Variants in SRPX observed in about 807,000 individuals in gnomAD.
The protein encoded by SRPX is sushi repeat-containing protein SRPX.
In SRPX, 24 loss-of-function variants were observed where a neutral mutation model predicts 38.1. The ratio of observed to expected loss-of-function variants is 0.63; its 90% CI spans 0.46 to 0.89. The LOEUF is 0.89. Among genes scored for constraint, SRPX ranks in the 40% least tolerant of loss-of-function variants. SRPX has a pLI of 0.00. For synonymous variants in SRPX, 184 were observed against 153.8 expected, an observed-to-expected ratio of 1.20 and a Z score of -1.45; for missense variants, 416 against 377.8, an observed-to-expected ratio of 1.10 and a Z score of -0.84.
intron 1 of SRPX, among the ~76,000 whole-genome samples, chrX:38,218,095 C>G (rs764103459): frequency 1.2e-4 from 14 of 112,294 alleles, no homozygotes; most frequent in Non-Finnish European, 2.3e-4. Flanking sequence ...TTTCAAAAGA[C>G]TGCTTCAGCT....
chrX:38,166,339 G>A (rs182244834), intron 4 of SRPX, among the ~76,000 whole-genome samples: 31 of 111,772 alleles, frequency 2.8e-4, no homozygotes, highest in African/African-American at 7.5e-4. Context: ...ATTCTATGTC[G>A]TGCTTCAGTG....
chrX:38,218,276 C>T (rs767749100), intron 1 of SRPX, among the ~76,000 whole-genome samples: 1 of 112,635 alleles, frequency 8.9e-6, no homozygotes, highest in South Asian at 3.7e-4. Context: ...GAGTGAACCA[C>T]CACTATCTCA....
At chrX:38,173,005 A>C in intron 3 of SRPX, among the ~76,000 whole-genome samples, 1 of 112,492 alleles carries the variant, frequency 8.9e-6, no homozygotes, top group African/African-American at 3.2e-5. Context: ...TACTGGATAC[A>C]TACAACTAGT....
chrX:38,208,955 G>T (rs1357408860), intron 1 of SRPX, among the ~76,000 whole-genome samples: 8 of 104,234 alleles, frequency 7.7e-5, no homozygotes, highest in African/African-American at 2.8e-4. Flanking sequence ...TCAAAGTGCT[G>T]GGATTACAGG....
chrX:38,164,923 C>A (rs1466180593), intron 4 of SRPX, 28 bp from the exon 5 acceptor site: 1 of 1,196,761 alleles, frequency 8.4e-7, no homozygotes, highest in African/African-American at 1.8e-5. Context: ...ACATTCTCAT[C>A]ATCATCAAGA....
At chrX:38,157,714 G>C (rs892299712) in intron 7 of SRPX, among the ~76,000 whole-genome samples, 1 of 112,132 alleles carries the variant, frequency 8.9e-6, no homozygotes, top group African/African-American at 3.2e-5. Context: ...CCATTATTCT[G>C]TCTATGTCAG....
At chrX:38,211,153 T>A (rs1283961630) in intron 1 of SRPX, among the ~76,000 whole-genome samples, 1 of 112,504 alleles carries the variant, frequency 8.9e-6, no homozygotes, top group Non-Finnish European at 1.9e-5. Flanking sequence ...TTATATCATT[T>A]TCATTTGTCA....
Position 38,211,572 on chromosome X carries a change from C to T in SRPX, c.97+9124G>A, listed in dbSNP as rs768677913. Among the ~76,000 whole-genome samples, 130 of 110,924 alleles carry T rather than the reference C, an allele frequency of 1.2e-3. 2 individuals carry two copies. The highest frequency in any genetic ancestry group is 3.5e-3 in the Admixed American group (37 of 10,458). On this transcript the variant is annotated intron_variant, in intron 1 of 9. Coordinates refer to ENST00000378533, the MANE Select transcript of SRPX (RefSeq NM_006307.5). ...AAAATTAGATAGGTGTGGTGGTACG[C>T]GCCTGTAATCCCAGCTACTCGGGAG... is the stretch of plus-strand genomic sequence containing the variant.
intron 1 of SRPX, among the ~76,000 whole-genome samples, chrX:38,209,521 C>T (rs943524618): frequency 8.9e-6 from 1 of 112,025 alleles, no homozygotes; most frequent in Non-Finnish European, 1.9e-5. Context: ...AAGGAAGACA[C>T]AGCCTCCTCA....
intron 2 of SRPX, among the ~76,000 whole-genome samples, chrX:38,175,999 G>A (rs990950395): frequency 9.0e-6 from 1 of 111,340 alleles, no homozygotes; most frequent in African/African-American, 3.3e-5. Context: ...AGTACCTAAC[G>A]CTATATATAC....
In SRPX at chrX:38,176,718, G is replaced by A. The variant is rs111550371; in HGVS notation, c.157+1567C>T. ...TAAGATAGGAGAATCGCTTGAACCT[G>A]GGAGGCGGATGTTACAGTGAGCCAA... On this transcript the variant is annotated intron_variant, in intron 2 of 9. Coordinates refer to ENST00000378533, the MANE Select transcript of SRPX (RefSeq NM_006307.5). 4.2e-3 allele frequency among the ~76,000 whole-genome samples: 465 copies of A among 111,842 alleles called. 5 individuals are homozygous for A. Among genetic ancestry groups the A allele is most frequent in the African/African-American group, 0.014 (443 of 30,776 alleles).
At chrX:38,202,630 A>T (rs1307502553) in intron 1 of SRPX, among the ~76,000 whole-genome samples, 1 of 112,178 alleles carries the variant, frequency 8.9e-6, no homozygotes, top group East Asian at 2.8e-4. Flanking sequence ...CAAGACTGAC[A>T]AAGAAAAACA....
chrX:38,193,613 T>C (rs757127254), intron 1 of SRPX, among the ~76,000 whole-genome samples: 1 of 112,240 alleles, frequency 8.9e-6, no homozygotes, highest in Non-Finnish European at 1.9e-5. Flanking sequence ...TGCTTGCAAA[T>C]GGCAACTTTT....
At chrX:38,151,139 C>G (rs1209584073) in intron 9 of SRPX, among the ~76,000 whole-genome samples, 2 of 112,039 alleles carry the variant, frequency 1.8e-5, no homozygotes, top group East Asian at 5.6e-4. Context: ...TGTATTTTAT[C>G]CCAGTGGGGA....
At chrX:38,166,171 C>T (rs1025030678) in intron 4 of SRPX, among the ~76,000 whole-genome samples, 2 of 112,450 alleles carry the variant, frequency 1.8e-5, no homozygotes, top group African/African-American at 6.5e-5. Flanking sequence ...CCTTTTGATT[C>T]TGAATGACAG....
At chrX:38,172,969 T>C (rs968936852) in intron 3 of SRPX, among the ~76,000 whole-genome samples, 4 of 112,153 alleles carry the variant, frequency 3.6e-5, no homozygotes, top group African/African-American at 1.3e-4. Flanking sequence ...TCCAAGTCTT[T>C]AAGAGCAAAG....
At chrX:38,215,535 G>T (rs755447512) in intron 1 of SRPX, among the ~76,000 whole-genome samples, 2 of 112,221 alleles carry the variant, frequency 1.8e-5, no homozygotes, top group African/African-American at 6.5e-5. Context: ...AAGAGCCTTC[G>T]CAATTAACTA....
intron 3 of SRPX, among the ~76,000 whole-genome samples, chrX:38,172,570 G>T (rs960307308): frequency 6.2e-5 from 7 of 113,074 alleles, no homozygotes; most frequent in Non-Finnish European, 9.4e-5. Context: ...ACTATCTTAG[G>T]TTGAGCTCCC....
intron 1 of SRPX, among the ~76,000 whole-genome samples, chrX:38,193,956 T>A (rs1458913214): frequency 8.9e-6 from 1 of 111,884 alleles, no homozygotes; most frequent in Non-Finnish European, 1.9e-5. Flanking sequence ...CCTGATTAGG[T>A]ACCAGATATT....
Sources: gnomAD v4.1 joint callset for allele counts (sites outside exome capture counted in the v4.1 genomes callset) on GRCh38, gnomAD v4.1.1 for gene constraint, MANE v1.5 for transcripts, NCBI Gene and HGNC (gene_info 2026-07-23, HGNC 2026-07-21) for gene names.